Variants in CLOCK observed in about 807,000 individuals in gnomAD.
CLOCK encodes clock circadian regulator.
In CLOCK, 43 loss-of-function variants were observed where a neutral mutation model predicts 118.4. The observed-to-expected ratio is 0.36, with a 90% CI of 0.28 to 0.47. The LOEUF (loss-of-function observed/expected upper bound fraction) is 0.47. Among genes scored for constraint, CLOCK ranks in the 20% least tolerant of loss-of-function variants. The probability of loss-of-function intolerance (pLI) is 1.00; values close to 1 mark genes in which losing one functional copy is unlikely to be tolerated. For synonymous variants in CLOCK, 326 were observed against 339.2 expected (o/e 0.96, Z 0.43); for missense variants, 846 against 999.9 (o/e 0.85, Z 2.08).
Position 55,506,089 on chromosome 4 carries a change from A to G in CLOCK, c.-136+3823T>C, listed in dbSNP as rs1210566391. On this transcript the variant is annotated intron_variant, in intron 2 of 22. Transcript: ENST00000513440. ...TCTCTTTTTTTGTTTTAGTTGAGCA[A>G]AAACTGCCCTCCAAGACTTTTTCCC... Among the ~76,000 whole-genome samples, 3 of 152,128 alleles carry G rather than the reference A, an allele frequency of 2.0e-5. No homozygotes were observed. In the East Asian group the frequency reaches 5.8e-4, roughly 29 times the overall value.
At chr4:55,471,747 T>C (rs1726155706) in intron 7 of CLOCK, among the ~76,000 whole-genome samples, 1 of 151,956 alleles carries the variant, frequency 6.6e-6, no homozygotes, top group Admixed American at 6.6e-5. Context: ...TATCTACATA[T>C]AAGGGATGAG....
chr4:55,503,440 T>C (rs1728564613), intron 2 of CLOCK, among the ~76,000 whole-genome samples: 1 of 152,156 alleles, frequency 6.6e-6, no homozygotes, highest in Non-Finnish European at 1.5e-5. Flanking sequence ...TGGGAGTGTG[T>C]AATAACTGTT....
chr4:55,537,235 A>T (rs111740477), intron 1 of CLOCK, among the ~76,000 whole-genome samples: 3 of 152,182 alleles, frequency 2.0e-5, no homozygotes, highest in African/African-American at 7.2e-5. Flanking sequence ...GTATCCCAGC[A>T]CTCCAGGAGG....
intron 18 of CLOCK, among the ~76,000 whole-genome samples, chr4:55,446,100 T>A (rs1224960732): frequency 5.2e-5 from 5 of 95,264 alleles, no homozygotes; most frequent in Non-Finnish European, 1.0e-4. Context: ...AAATTTAACT[T>A]CTTTTTTTTT....
At chr4:55,443,635 G>A in intron 20 of CLOCK, 52 bp downstream of exon 20, 1 of 1,353,548 alleles carries the variant, frequency 7.4e-7, no homozygotes, top group Non-Finnish European at 1.1e-6. Flanking sequence ...CAGCAATAGT[G>A]TGCCTTCCAA....
intron 2 of CLOCK, among the ~76,000 whole-genome samples, chr4:55,493,934 A>T (rs1727885132): frequency 6.6e-6 from 1 of 152,214 alleles, no homozygotes; most frequent in African/African-American, 2.4e-5. Flanking sequence ...AAACCTCATT[A>T]AATAAACAAA....
At position 55,430,700 on chromosome 4, in the gene CLOCK, A is replaced by C. The variant is rs1197478581; in HGVS notation, c.*4715T>G. The C allele has an allele frequency of 6.6e-6, 1 of 152,208 alleles. No homozygotes were observed. Among genetic ancestry groups the C allele is most frequent in the African/African-American group, 2.4e-5 (1 of 41,456 alleles). The allele number at this position is 152,208 out of a possible 1,614,324, so 9.4% of individuals were successfully genotyped here. On this transcript the variant is annotated 3_prime_UTR_variant, in exon 23 of 23. Coordinates refer to ENST00000513440, the MANE Select transcript of CLOCK (RefSeq NM_004898.4). ...TCAGGGCACATTTAAAACACTCAGA[A>C]TAATTCTTGAAATTATTATATTCTA... is the stretch of plus-strand genomic sequence containing the variant.
chr4:55,435,588 T>A lies in CLOCK; in HGVS notation c.2368A>T (p.Arg790Trp), dbSNP rs1436224617. ...GTTGAGGGATTCCCATGGAGCAACC[T>A]AGAAGTCTAAAAAACAAATGGATTA... is the stretch of plus-strand genomic sequence containing the variant. ...QPPQQFLQTSRLLHGNPSTQL... is the reference protein window; with the variant it reads ...QPPQQFLQTSWLLHGNPSTQL... The change falls in exon 23 of 23, where the codon AGG becomes TGG. Residue 790 changes from arginine to tryptophan, a missense_variant. By Grantham distance (101) the Arg-to-Trp change is moderately radical. Coordinates refer to ENST00000513440, the MANE Select transcript of CLOCK (RefSeq NM_004898.4). 2 of 1,613,704 alleles carry A rather than the reference T, an allele frequency of 1.2e-6. No homozygotes were observed. The highest frequency in any genetic ancestry group is 1.7e-6 in the Non-Finnish European group (2 of 1,179,848).
At position 55,431,023 on chromosome 4, in the gene CLOCK, CTAAG is replaced by C. The variant is rs1289608917; in HGVS notation, c.*4388_*4391del. Reference sequence around the variant, plus strand: ...AATGTGTCATTTTATATAATTTCACCTAAGTAAGTGATGATTTGGGGATCCTTTA... The same window carrying C: ...AATGTGTCATTTTATATAATTTCACCTAAGTGATGATTTGGGGATCCTTTA... On this transcript the variant is annotated 3_prime_UTR_variant, in exon 23 of 23. Transcript: ENST00000513440. 2.6e-5 allele frequency: 4 copies of C among 152,158 alleles called. No homozygotes were observed. Among genetic ancestry groups the C allele is most frequent in the Non-Finnish European group, 4.4e-5 (3 of 68,028 alleles). 9.4% of individuals were successfully genotyped at this position (152,158 alleles called of 1,614,324 possible).
chr4:55,456,147 C>A, intron 12 of CLOCK, 71 bp downstream of exon 12: 1 of 1,381,386 alleles, frequency 7.2e-7, no homozygotes, highest in South Asian at 1.3e-5. Context: ...AAAGTTTGCC[C>A]TTGATCCATT....
intron 1 of CLOCK, among the ~76,000 whole-genome samples, chr4:55,536,876 C>T (rs1434049761): frequency 6.6e-6 from 1 of 151,706 alleles, no homozygotes; most frequent in East Asian, 1.9e-4. Flanking sequence ...GAGACATAAA[C>T]AAAACAATCA....
chr4:55,499,285 T>G (rs1728279012), intron 2 of CLOCK, among the ~76,000 whole-genome samples: 1 of 152,212 alleles, frequency 6.6e-6, no homozygotes, highest in Non-Finnish European at 1.5e-5. Flanking sequence ...TATGAGATTC[T>G]AGGTTCCATT....
At chr4:55,534,212 T>C (rs1233871185) in intron 1 of CLOCK, among the ~76,000 whole-genome samples, 1 of 151,974 alleles carries the variant, frequency 6.6e-6, no homozygotes, top group African/African-American at 2.4e-5. Flanking sequence ...TTGAAACGAG[T>C]GCTTATTCTA....
intron 18 of CLOCK, among the ~76,000 whole-genome samples, 182 bp downstream of exon 18, chr4:55,448,597 C>CGT (rs1464115730): frequency 9.5e-4 from 69 of 72,930 alleles, no homozygotes; most frequent in African/African-American, 2.5e-3. Flanking sequence ...CGCGCGCACG[C>CGT]GCGCGTGTGT....
intron 1 of CLOCK, among the ~76,000 whole-genome samples, chr4:55,544,990 C>T (rs1362340170): frequency 1.3e-5 from 2 of 151,542 alleles, no homozygotes; most frequent in African/African-American, 4.8e-5. Flanking sequence ...CTTCCTTATT[C>T]TTTTTTCATA....
intron 1 of CLOCK, among the ~76,000 whole-genome samples, chr4:55,534,731 G>C (rs1259446481): frequency 6.6e-6 from 1 of 151,664 alleles, no homozygotes; most frequent in Non-Finnish European, 1.5e-5. Flanking sequence ...GAATGAACAA[G>C]ATGAAGACCA....
intron 3 of CLOCK, 59 bp from the exon 4 acceptor site, chr4:55,482,887 C>T: frequency 1.3e-6 from 1 of 796,050 alleles, no homozygotes; most frequent in Non-Finnish European, 2.1e-6. Flanking sequence ...CTTCCACAAA[C>T]TTATCTTGAG....
intron 1 of CLOCK, chr4:55,540,366 T>C (rs564119251): frequency 6.1e-5 from 8 of 131,296 alleles, no homozygotes; most frequent in South Asian, 2.7e-4. Context: ...TATTTTTTAA[T>C]TGGGGGCAAG....
intron 1 of CLOCK, among the ~76,000 whole-genome samples, chr4:55,546,222 G>A (rs977816959): frequency 6.6e-6 from 1 of 152,178 alleles, no homozygotes; most frequent in African/African-American, 2.4e-5. Context: ...CCCAGCTGCT[G>A]GAATCGGCCG....
Sources: allele counts gnomAD v4.1 joint callset (sites outside exome capture counted in the v4.1 genomes callset), GRCh38; gene constraint gnomAD v4.1.1; transcripts MANE v1.5; gene names NCBI Gene and HGNC (gene_info 2026-07-23, HGNC 2026-07-21).